The following AMMECR1 variants were observed in gnomAD, a reference collection of about 807,000 sequenced individuals.
AMMECR1 encodes the protein AMMECR nuclear protein 1.
In AMMECR1, 3 loss-of-function variants were observed where a neutral mutation model predicts 22.5. That is an observed-to-expected ratio of 0.13 (90% CI 0.06 to 0.35). The LOEUF (loss-of-function observed/expected upper bound fraction) is 0.35, where lower values mean the gene tolerates loss of function less well. Ranked by LOEUF, AMMECR1 falls within the 10% of genes least tolerant of loss-of-function variation. The pLI, the probability that AMMECR1 is intolerant of heterozygous loss-of-function variation, is 1.00. For missense variants in AMMECR1, 235 were observed against 278.7 expected (o/e 0.84, Z 1.12); for synonymous variants, 130 against 116.7 (o/e 1.11, Z -0.74).
intron 2 of AMMECR1, among the ~76,000 whole-genome samples, chrX:110,333,872 T>C (rs1011755677): frequency 5.5e-5 from 6 of 109,927 alleles, no homozygotes; most frequent in African/African-American, 1.3e-4. Flanking sequence ...AAATACCTAA[T>C]GTAGGTGATG....
At chrX:110,249,912 G>A (rs1231069418) in intron 2 of AMMECR1, among the ~76,000 whole-genome samples, 1 of 110,649 alleles carries the variant, frequency 9.0e-6, no homozygotes, top group East Asian at 2.8e-4. Context: ...GGAAAGGAAA[G>A]GGGAAAGGGG....
At chrX:110,228,001 A>G (rs1308333803) in intron 2 of AMMECR1, among the ~76,000 whole-genome samples, 5 of 112,228 alleles carry the variant, frequency 4.5e-5, no homozygotes, top group Non-Finnish European at 7.5e-5. Context: ...TGTTTATTGA[A>G]TCATTCCTTG....
At chrX:110,324,482 C>G (rs1445801198) in intron 2 of AMMECR1, among the ~76,000 whole-genome samples, 2 of 110,625 alleles carry the variant, frequency 1.8e-5, no homozygotes, top group Non-Finnish European at 3.8e-5. Flanking sequence ...CCTAAAACCT[C>G]TAGTACAATG....
At chrX:110,374,944 T>G (rs1452393152) in intron 2 of AMMECR1, among the ~76,000 whole-genome samples, 1 of 111,131 alleles carries the variant, frequency 9.0e-6, no homozygotes, top group Non-Finnish European at 1.9e-5. Flanking sequence ...TCAGCCTTTT[T>G]AAAGGAAATT....
chrX:110,358,465 G>C (rs1223925433), intron 2 of AMMECR1, among the ~76,000 whole-genome samples: 2 of 110,876 alleles, frequency 1.8e-5, no homozygotes, highest in Non-Finnish European at 3.8e-5. Context: ...AATGCATCAT[G>C]TCCATTTTCT....
chrX:110,264,105 T>C (rs2067755307), intron 2 of AMMECR1, among the ~76,000 whole-genome samples: 1 of 111,385 alleles, frequency 9.0e-6, no homozygotes, highest in African/African-American at 3.3e-5. Flanking sequence ...ATGTGTAAGA[T>C]GAAAGAGACA....
intron 2 of AMMECR1, among the ~76,000 whole-genome samples, chrX:110,419,438 C>T (rs1343562946): frequency 3.6e-5 from 4 of 112,515 alleles, no homozygotes; most frequent in African/African-American, 1.3e-4. Flanking sequence ...TCCTCTCTTA[C>T]ATTTCTTTTA....
chrX:110,282,359 A>G (rs1396087574), intron 1 of AMMECR1, among the ~76,000 whole-genome samples: 2 of 110,671 alleles, frequency 1.8e-5, no homozygotes, highest in Non-Finnish European at 3.8e-5. Flanking sequence ...GCTCAGCTCC[A>G]CTATCCATCA....
chrX:110,391,508 A>C (rs1417593990), intron 2 of AMMECR1, among the ~76,000 whole-genome samples: 1 of 112,120 alleles, frequency 8.9e-6, no homozygotes, highest in Non-Finnish European at 1.9e-5. Context: ...GCAGCTTCCC[A>C]GTACTACTTT....
chrX:110,416,809 G>T (rs146984878), intron 2 of AMMECR1, among the ~76,000 whole-genome samples: 4,351 of 112,001 alleles, frequency 0.039, 219 homozygotes, highest in African/African-American at 0.14. Flanking sequence ...GAGGCAAGGT[G>T]GCCCAGTGGT....
intron 2 of AMMECR1, among the ~76,000 whole-genome samples, chrX:110,331,828 C>T (rs1199499170): frequency 1.8e-5 from 2 of 111,811 alleles, no homozygotes; most frequent in Non-Finnish European, 3.8e-5. Flanking sequence ...AGACTTTGTA[C>T]TCTGGTCAGA....
chrX:110,399,146 A>T (rs2068547604), intron 2 of AMMECR1, among the ~76,000 whole-genome samples: 1 of 112,156 alleles, frequency 8.9e-6, no homozygotes, highest in African/African-American at 3.2e-5. Context: ...ACAATAATAT[A>T]ATACAGTGTA....
chrX:110,320,997 G>C (rs1344991236), upstream of AMMECR1, among the ~76,000 whole-genome samples: 1 of 112,058 alleles, frequency 8.9e-6, no homozygotes, highest in Non-Finnish European at 1.9e-5. Flanking sequence ...AAGTAGTGGT[G>C]ATGGTGGTAA....
At chrX:110,232,641 A>G (rs979566820) in intron 2 of AMMECR1, among the ~76,000 whole-genome samples, 2 of 110,537 alleles carry the variant, frequency 1.8e-5, no homozygotes, top group African/African-American at 3.3e-5. Context: ...CTGTAATCCC[A>G]GCACTTTGGG....
intron 2 of AMMECR1, among the ~76,000 whole-genome samples, chrX:110,262,487 C>G (rs1459031942): frequency 8.9e-6 from 1 of 112,310 alleles, no homozygotes; most frequent in Non-Finnish European, 1.9e-5. Flanking sequence ...AAATTTCCAA[C>G]TTCAAGTATT....
intron 2 of AMMECR1, among the ~76,000 whole-genome samples, chrX:110,409,018 G>C (rs1478444644): frequency 8.9e-6 from 1 of 111,820 alleles, no homozygotes; most frequent in Admixed American, 9.5e-5. Context: ...ACACCACTGT[G>C]CTAGCCTGAT....
At chrX:110,282,123 T>C (rs2067855730) in intron 1 of AMMECR1, among the ~76,000 whole-genome samples, 1 of 111,892 alleles carries the variant, frequency 8.9e-6, no homozygotes. Flanking sequence ...TTCTCTGACC[T>C]CTAGGTAGAG....
chrX:110,405,058 C>T (rs986157932), intron 2 of AMMECR1, among the ~76,000 whole-genome samples: 7 of 102,938 alleles, frequency 6.8e-5, no homozygotes, highest in Non-Finnish European at 1.4e-4. Context: ...CAGTTAAATT[C>T]GAAAAATATA....
At chrX:110,254,526 G>GT (rs1313080628) in intron 2 of AMMECR1, among the ~76,000 whole-genome samples, 1 of 111,199 alleles carries the variant, frequency 9.0e-6, no homozygotes, top group African/African-American at 3.3e-5. Flanking sequence ...TAGTGATGTT[G>GT]TTTTTTAAGG....
Sources: gnomAD v4.1 joint callset for allele counts (sites outside exome capture counted in the v4.1 genomes callset) on GRCh38, gnomAD v4.1.1 for gene constraint, MANE v1.5 for transcripts, NCBI Gene and HGNC (gene_info 2026-07-23, HGNC 2026-07-21) for gene names.